The following PLPPR1 variants were observed in gnomAD, a reference collection of about 807,000 sequenced individuals.
PLPPR1 encodes the protein phospholipid phosphatase-related protein type 1.
In PLPPR1, 10 loss-of-function variants were observed where a neutral mutation model predicts 33.1. The observed-to-expected ratio is 0.30, with a 90% CI of 0.19 to 0.51. The LOEUF is 0.51. PLPPR1 is among the 20% of genes least tolerant of loss of function. PLPPR1 has a pLI of 0.97. For synonymous variants in PLPPR1, 151 were observed against 151.0 expected (o/e 1.00, Z 0.00); for missense variants, 304 against 408.1 (o/e 0.74, Z 2.20).
intron 2 of PLPPR1, among the ~76,000 whole-genome samples, chr9:101,265,366 TC>T (rs1053328484): frequency 4.1e-4 from 63 of 152,312 alleles, no homozygotes; most frequent in African/African-American, 1.5e-3. Flanking sequence ...CATAATTGCT[TC>T]TTTCACACTG....
At chr9:101,322,147 G>A (rs1270506899) in intron 7 of PLPPR1, among the ~76,000 whole-genome samples, 4 of 125,268 alleles carry the variant, frequency 3.2e-5, no homozygotes, top group African/African-American at 6.0e-5. Context: ...GCAGTGAGCC[G>A]AGATTGTACC....
chr9:101,133,297 A>T (rs1216822826), intron 1 of PLPPR1, among the ~76,000 whole-genome samples: 1 of 152,046 alleles, frequency 6.6e-6, no homozygotes, highest in Non-Finnish European at 1.5e-5. Flanking sequence ...TATAGATCTA[A>T]TTATTTCCCC....
rs1427289015 is a variant in PLPPR1, at chr9:101,162,086, C to T, written c.-45-23364C>T. ...AGGCAAGTTACTTAACCTCTCTGAG[C>T]CTCAGTATCCACAATTGTTAAAAAA... is the stretch of plus-strand genomic sequence containing the variant. On this transcript the variant is annotated intron_variant, in intron 1 of 7. Coordinates refer to ENST00000374874, the MANE Select transcript of PLPPR1 (RefSeq NM_207299.2). 2.1e-5 allele frequency among the ~76,000 whole-genome samples: 3 copies of T among 145,664 alleles called. No homozygotes were observed. The East Asian group carries it at 5.9e-4, about 29-fold the overall frequency.
At chr9:101,238,348 G>GTT (rs1564011754) in intron 2 of PLPPR1, among the ~76,000 whole-genome samples, 2 of 74,818 alleles carry the variant, frequency 2.7e-5, no homozygotes, top group Admixed American at 1.4e-4. Flanking sequence ...TATATATAGA[G>GTT]GTGTATATAT....
At chr9:101,237,875 CATAT>C (rs200442406) in intron 2 of PLPPR1, among the ~76,000 whole-genome samples, 1 of 130,590 alleles carries the variant, frequency 7.7e-6, no homozygotes, top group East Asian at 2.3e-4. Context: ...TATACACACA[CATAT>C]ATATATACAC....
intron 4 of PLPPR1, among the ~76,000 whole-genome samples, chr9:101,303,296 G>T (rs1406311531): frequency 4.0e-5 from 6 of 150,496 alleles, no homozygotes; most frequent in African/African-American, 1.5e-4. Context: ...TTTTTTGTTT[G>T]GTTTGGTTTG....
chr9:101,198,583 T>C (rs1002661742), intron 2 of PLPPR1, among the ~76,000 whole-genome samples: 1 of 152,098 alleles, frequency 6.6e-6, no homozygotes, highest in Non-Finnish European at 1.5e-5. Context: ...TGATGAGAGG[T>C]GGAGCCTTCA....
intron 2 of PLPPR1, among the ~76,000 whole-genome samples, chr9:101,256,507 C>T (rs923090668): frequency 9.2e-5 from 14 of 152,086 alleles, no homozygotes; most frequent in Non-Finnish European, 1.8e-4. Context: ...CCACTGCTGA[C>T]GGCTTCACCA....
At chr9:101,074,797 A>C (rs1221855273) in intron 1 of PLPPR1, among the ~76,000 whole-genome samples, 3 of 152,178 alleles carry the variant, frequency 2.0e-5, no homozygotes, top group Non-Finnish European at 2.9e-5. Flanking sequence ...ACCCAGAAAA[A>C]TAATTTCAAA....
At chr9:101,063,659 T>C (rs937514981) in intron 1 of PLPPR1, among the ~76,000 whole-genome samples, 2 of 152,030 alleles carry the variant, frequency 1.3e-5, no homozygotes, top group African/African-American at 4.8e-5. Flanking sequence ...CTCAGGGCCT[T>C]TGTCTATGTT....
intron 2 of PLPPR1, among the ~76,000 whole-genome samples, chr9:101,193,381 CT>C: frequency 6.6e-6 from 1 of 152,192 alleles, no homozygotes; most frequent in Non-Finnish European, 1.5e-5. Flanking sequence ...CAATCTGACT[CT>C]GGGAGTGGGG....
At chr9:101,192,408 A>G (rs577821851) in intron 2 of PLPPR1, among the ~76,000 whole-genome samples, 10 of 152,330 alleles carry the variant, frequency 6.6e-5, no homozygotes, top group African/African-American at 2.4e-4. Flanking sequence ...TGATGTCAAA[A>G]GCACAGAGTT....
At chr9:101,142,617 A>G (rs769355176) in intron 1 of PLPPR1, among the ~76,000 whole-genome samples, 3 of 152,168 alleles carry the variant, frequency 2.0e-5, no homozygotes, top group Admixed American at 6.6e-5. Context: ...GAGGACATTC[A>G]CCCAGATAAG....
chr9:101,113,913 G>A (rs1831088534), intron 1 of PLPPR1, among the ~76,000 whole-genome samples: 1 of 152,192 alleles, frequency 6.6e-6, no homozygotes, highest in Non-Finnish European at 1.5e-5. Flanking sequence ...AAGGTTAGCT[G>A]CAGGGTCTGC....
At chr9:101,239,046 G>A (rs1437600970) in intron 2 of PLPPR1, among the ~76,000 whole-genome samples, 1 of 142,814 alleles carries the variant, frequency 7.0e-6, no homozygotes, top group Non-Finnish European at 1.5e-5. Flanking sequence ...TGAATAAATA[G>A]CTGAATTTCA....
At chr9:101,258,356 G>T (rs996819239) in intron 2 of PLPPR1, among the ~76,000 whole-genome samples, 1 of 151,978 alleles carries the variant, frequency 6.6e-6, no homozygotes, top group Non-Finnish European at 1.5e-5. Context: ...TGATAATATG[G>T]TCACATCATC....
At chr9:101,302,672 T>G (rs941442762) in intron 4 of PLPPR1, among the ~76,000 whole-genome samples, 2 of 152,186 alleles carry the variant, frequency 1.3e-5, no homozygotes, top group Non-Finnish European at 2.9e-5. Context: ...CCTCTTACAG[T>G]GTTGAAATGG....
chr9:101,239,304 T>C (rs1827401857), intron 2 of PLPPR1, among the ~76,000 whole-genome samples: 1 of 151,912 alleles, frequency 6.6e-6, no homozygotes, highest in Non-Finnish European at 1.5e-5. Flanking sequence ...TACTGTTTTC[T>C]ACAATGGCTG....
intron 1 of PLPPR1, among the ~76,000 whole-genome samples, chr9:101,070,710 C>A (rs1221676607): frequency 6.6e-6 from 1 of 152,060 alleles, no homozygotes; most frequent in Non-Finnish European, 1.5e-5. Context: ...TCAATATTTG[C>A]TCCATTTTTT....
Sources: gnomAD v4.1 joint callset for allele counts (sites outside exome capture counted in the v4.1 genomes callset) on GRCh38, gnomAD v4.1.1 for gene constraint, MANE v1.5 for transcripts, NCBI Gene and HGNC (gene_info 2026-07-23, HGNC 2026-07-21) for gene names.